TENM4: variants seen among roughly 807,000 people sequenced by gnomAD.
TENM4 encodes the protein teneurin-4.
A neutral mutation model predicts 243.3 loss-of-function variants in TENM4; 82 were observed. The ratio of observed to expected loss-of-function variants is 0.34; its 90% CI spans 0.28 to 0.40. The LOEUF (loss-of-function observed/expected upper bound fraction) is 0.40. TENM4 is among the 10% of genes least tolerant of loss of function. TENM4 has a pLI of 1.00. For missense variants in TENM4, 3,138 were observed against 3,673.3 expected (o/e 0.85, Z 3.77); for synonymous variants, 1,412 against 1,456.3 (o/e 0.97, Z 0.69).
At chr11:78,961,734 C>A (rs1218485802) in intron 6 of TENM4, among the ~76,000 whole-genome samples, 3 of 151,868 alleles carry the variant, frequency 2.0e-5, no homozygotes, top group Non-Finnish European at 4.4e-5. Flanking sequence ...GTGCCTGGCA[C>A]AGTCCCTGGC....
intron 28 of TENM4, among the ~76,000 whole-genome samples, chr11:78,690,678 G>A (rs1858797241): frequency 6.6e-6 from 1 of 152,220 alleles, no homozygotes; most frequent in African/African-American, 2.4e-5. Flanking sequence ...AAGTTTTTGA[G>A]CTAAAAATCA....
chr11:78,859,192 C>A (rs1371546668), intron 10 of TENM4, among the ~76,000 whole-genome samples: 1 of 152,074 alleles, frequency 6.6e-6, no homozygotes, highest in African/African-American at 2.4e-5. Flanking sequence ...AACTTCCTGG[C>A]ATCCTAGGGT....
Position 79,004,989 on chromosome 11 carries a change from T to G in TENM4, c.493+59749A>C, listed in dbSNP as rs943092845. Among the ~76,000 whole-genome samples the G allele has an allele frequency of 2.1e-5, 3 of 145,908 alleles. No individual in the cohort carries two copies. The South Asian group carries it at 6.5e-4, about 32-fold the overall frequency. On this transcript the variant is annotated intron_variant, in intron 6 of 33. Coordinates refer to ENST00000278550, the MANE Select transcript of TENM4 (RefSeq NM_001098816.3). ...ACTCTGACTACTATGAATACCTCTA[T>G]GTACACAAACTAGAAAACTAAGTAG... is the stretch of plus-strand genomic sequence containing the variant.
rs1857961051 is a variant in TENM4, at chr11:78,658,698, T to C, written c.7670A>G (p.Lys2557Arg). The C allele has an allele frequency of 6.2e-7, 1 of 1,613,942 alleles. No homozygotes were observed. Among genetic ancestry groups the C allele is most frequent in the East Asian group, 2.2e-5 (1 of 44,894 alleles). ...GACTGAGCCGCTGGATGCAAACTTC[T>C]TGGTCTTTGGAGCCTGCTGGCAGCT... Reference protein sequence around the residue: ...ITSCQQAPKTKKFASSGSVFG... With the variant: ...ITSCQQAPKTRKFASSGSVFG... Residue 2557 changes from lysine (K) to arginine (R), a missense_variant, in exon 34 of 34, where the codon AAG (lysine) becomes AGG (arginine). Coordinates refer to ENST00000278550, the MANE Select transcript of TENM4 (RefSeq NM_001098816.3).
intron 1 of TENM4, among the ~76,000 whole-genome samples, chr11:79,337,276 CA>C (rs1857163072): frequency 6.6e-6 from 1 of 152,296 alleles, no homozygotes; most frequent in South Asian, 2.1e-4. Context: ...CTGGGAGGAG[CA>C]GATGTTTGAT....
chr11:79,358,406 G>A (rs1303842744), intron 1 of TENM4, among the ~76,000 whole-genome samples: 1 of 152,136 alleles, frequency 6.6e-6, no homozygotes, highest in African/African-American at 2.4e-5. Flanking sequence ...AGACAGGGAC[G>A]CTCAGGACCC....
In TENM4 at chr11:79,069,928, C is replaced by A. The variant is rs1312406939; in HGVS notation, c.17G>T (p.Arg6Met). The A allele has an allele frequency of 6.5e-7, 1 of 1,546,512 alleles. No homozygotes were observed. Among genetic ancestry groups the A allele is most frequent in the Non-Finnish European group, 8.7e-7 (1 of 1,146,544 alleles). The change falls in exon 5 of 34, where the codon AGG becomes ATG. Residue 6 changes from arginine to methionine, a missense_variant. Transcript: ENST00000278550. MDVKE[R>M]KPYRSLTRRR... is the part of the protein sequence containing the mutation. ...CCGGGTCAGCGAGCGGTAAGGCTTC[C>A]TCTCCTTCACGTCCATGGCCTCCGG...
intron 1 of TENM4, among the ~76,000 whole-genome samples, chr11:79,315,160 G>A (rs763706631): frequency 6.6e-6 from 1 of 152,106 alleles, no homozygotes; most frequent in Admixed American, 6.5e-5. Context: ...TTACTGTAAG[G>A]CCCCAAATAA....
At chr11:79,274,590 G>A (rs1257357798) in intron 2 of TENM4, among the ~76,000 whole-genome samples, 1 of 152,138 alleles carries the variant, frequency 6.6e-6, no homozygotes, top group Non-Finnish European at 1.5e-5. Flanking sequence ...GGGCTCACCA[G>A]GCCACCCCTC....
chr11:79,252,296 G>A (rs1338710577), intron 2 of TENM4, among the ~76,000 whole-genome samples: 3 of 152,138 alleles, frequency 2.0e-5, no homozygotes, highest in African/African-American at 4.8e-5. Context: ...GTGCAGTGGC[G>A]CGATCTTGGC....
At chr11:78,721,436 AG>A (rs1329454296) in intron 24 of TENM4, among the ~76,000 whole-genome samples, 1 of 152,182 alleles carries the variant, frequency 6.6e-6, no homozygotes, top group Non-Finnish European at 1.5e-5. Context: ...TTCTTGCAGT[AG>A]GATCTTACCT....
intron 32 of TENM4, among the ~76,000 whole-genome samples, chr11:78,662,768 G>C (rs1475305071): frequency 6.6e-6 from 1 of 152,180 alleles, no homozygotes; most frequent in Non-Finnish European, 1.5e-5. Flanking sequence ...TCACAACTCT[G>C]AAGGAGAGAT....
chr11:78,720,649 C>G (rs688586), intron 24 of TENM4, among the ~76,000 whole-genome samples: 22,058 of 152,164 alleles, frequency 0.14, 1,918 homozygotes, highest in Admixed American at 0.2. Context: ...GGGAAGAGGA[C>G]TAGGTTGACA....
intron 16 of TENM4, among the ~76,000 whole-genome samples, chr11:78,781,515 C>T (rs1213347790): frequency 9.2e-5 from 14 of 152,194 alleles, no homozygotes; most frequent in Admixed American, 9.2e-4. Context: ...TGGCCTTTCT[C>T]TGATCACCAA....
chr11:79,206,377 T>C (rs1451045142), intron 3 of TENM4, among the ~76,000 whole-genome samples: 3 of 152,154 alleles, frequency 2.0e-5, no homozygotes, highest in Non-Finnish European at 4.4e-5. Flanking sequence ...TTTCTTCTAA[T>C]TTGAGGTCAA....
At chr11:79,068,182 G>C (rs1040162977) in intron 5 of TENM4, 1 of 152,222 alleles carries the variant, frequency 6.6e-6, no homozygotes, top group Non-Finnish European at 1.5e-5. Flanking sequence ...AGATGACAAT[G>C]AATAACAGGC....
Position 78,993,742 on chromosome 11 carries a change from T to G in TENM4, c.493+70996A>C, listed in dbSNP as rs560117585. 2.8e-3 allele frequency among the ~76,000 whole-genome samples: 421 copies of G among 152,360 alleles called. 3 individuals carry two copies. Among genetic ancestry groups the G allele is most frequent in the Admixed American group, 4.5e-3 (69 of 15,306 alleles). On this transcript the variant is annotated intron_variant, in intron 6 of 33. Transcript: ENST00000278550. Reference sequence around the variant, plus strand: ...CCATTTCTCTATGAAGATGTTCTGTTTGCTCACTCATTATATTCATATTTT... The same window carrying G: ...CCATTTCTCTATGAAGATGTTCTGTGTGCTCACTCATTATATTCATATTTT...
intron 2 of TENM4, among the ~76,000 whole-genome samples, chr11:79,273,512 C>G (rs978110697): frequency 6.6e-6 from 1 of 152,190 alleles, no homozygotes; most frequent in Admixed American, 6.5e-5. Flanking sequence ...AGGCCAACCA[C>G]TTTCCTTACA....
intron 1 of TENM4, among the ~76,000 whole-genome samples, chr11:79,409,213 AG>A (rs916175812): frequency 6.6e-5 from 10 of 151,658 alleles, no homozygotes; most frequent in African/African-American, 2.4e-4. Context: ...AAAAAAAAAA[AG>A]ATTATACTAA....
Sources: gnomAD v4.1 joint callset for allele counts (sites outside exome capture counted in the v4.1 genomes callset) on GRCh38, gnomAD v4.1.1 for gene constraint, MANE v1.5 for transcripts, NCBI Gene and HGNC (gene_info 2026-07-23, HGNC 2026-07-21) for gene names.